EXOC4: variants seen among roughly 807,000 people sequenced by gnomAD.
The protein encoded by EXOC4 is exocyst complex component 4.
In EXOC4, 71 loss-of-function variants were observed where a neutral mutation model predicts 107.2. The ratio of observed to expected loss-of-function variants is 0.66; its 90% CI spans 0.55 to 0.81. EXOC4 has a LOEUF of 0.81. Among genes scored for constraint, EXOC4 ranks in the 30% least tolerant of loss-of-function variants. The pLI, the probability that EXOC4 is intolerant of heterozygous loss-of-function variation, is 0.00. For synonymous variants in EXOC4, 456 were observed against 441.2 expected, an observed-to-expected ratio of 1.03 and a Z score of -0.42; for missense variants, 1,108 against 1,189.6, an observed-to-expected ratio of 0.93 and a Z score of 1.01.
At chr7:133,984,846 A>G (rs1475583183) in intron 14 of EXOC4, among the ~76,000 whole-genome samples, 1 of 152,226 alleles carries the variant, frequency 6.6e-6, no homozygotes, top group African/African-American at 2.4e-5. Context: ...ATTTGAGGAA[A>G]ACGAGACTTA....
At chr7:133,564,105 G>T (rs1800860773) in intron 9 of EXOC4, among the ~76,000 whole-genome samples, 1 of 152,126 alleles carries the variant, frequency 6.6e-6, no homozygotes, top group South Asian at 2.1e-4. Context: ...TTCTCACATT[G>T]TTGTAAAGTA....
chr7:133,935,708 T>C (rs1800283909), intron 13 of EXOC4, among the ~76,000 whole-genome samples: 1 of 152,150 alleles, frequency 6.6e-6, no homozygotes, highest in African/African-American at 2.4e-5. Flanking sequence ...TGTTATGCAC[T>C]TAAAAGCATC....
chr7:133,959,201 G>A (rs1335688084), intron 14 of EXOC4, among the ~76,000 whole-genome samples: 4 of 152,010 alleles, frequency 2.6e-5, no homozygotes, highest in African/African-American at 7.3e-5. Flanking sequence ...CTTATAATAG[G>A]AAACAGAGAC....
intron 11 of EXOC4, among the ~76,000 whole-genome samples, chr7:133,827,408 A>G (rs1345238317): frequency 6.6e-6 from 1 of 152,216 alleles, no homozygotes; most frequent in African/African-American, 2.4e-5. Flanking sequence ...AGAAGTTCCT[A>G]GTTAACTAGA....
At chr7:133,982,551 C>CCAAAA (rs937835149) in intron 14 of EXOC4, among the ~76,000 whole-genome samples, 3 of 151,904 alleles carry the variant, frequency 2.0e-5, no homozygotes, top group African/African-American at 7.3e-5. Context: ...GACTCTGTCT[C>CCAAAA]CAAAACAAAA....
intron 13 of EXOC4, among the ~76,000 whole-genome samples, chr7:133,926,042 C>CA (rs552126104): frequency 0.44 from 45,951 of 104,310 alleles, 9,261 homozygotes; most frequent in South Asian, 0.61. Flanking sequence ...GACTCCGTCT[C>CA]AAAAAAAAAA....
chr7:133,517,726 A>G lies in EXOC4; in HGVS notation c.1417+37588A>G, dbSNP rs560976503. Among the ~76,000 whole-genome samples, 24 of 152,170 alleles carry G rather than the reference A, an allele frequency of 1.6e-4. 1 individual carries two copies. The South Asian group carries it at 5.0e-3, about 32-fold the overall frequency. The stretch of plus-strand genomic sequence containing the variant: ...CCCCCCACTGGATTCCTCCCACAAT[A>G]CGTGGTAATTAAGGGAGCTACAAGT... On this transcript the variant is annotated intron_variant, in intron 9 of 17. Transcript: ENST00000253861.
Position 134,017,276 on chromosome 7 carries a change from C to A in EXOC4, c.2687+9441C>A, listed in dbSNP as rs79261429. On this transcript the variant is annotated intron_variant, in intron 17 of 17. Coordinates refer to ENST00000253861, the MANE Select transcript of EXOC4 (RefSeq NM_021807.4). ...AGACTAGTCTGCTGCCAAAAAAATT[C>A]TTTTTTTAATGATGATGCCCCTTAA... Among the ~76,000 whole-genome samples, 12 of 151,936 alleles carry A rather than the reference C, an allele frequency of 7.9e-5. No individual in the cohort carries two copies. The East Asian group carries it at 9.7e-4, about 12-fold the overall frequency.
intron 11 of EXOC4, among the ~76,000 whole-genome samples, chr7:133,880,052 C>A (rs1434735820): frequency 1.3e-5 from 2 of 152,198 alleles, no homozygotes; most frequent in South Asian, 2.1e-4. Context: ...CCTTCACTTA[C>A]ACCTTTTCCC....
chr7:133,482,600 G>A (rs1799182856), intron 9 of EXOC4, among the ~76,000 whole-genome samples: 2 of 152,102 alleles, frequency 1.3e-5, no homozygotes, highest in South Asian at 4.2e-4. Flanking sequence ...CCTCCATTTA[G>A]ATACCTAGCT....
intron 7 of EXOC4, among the ~76,000 whole-genome samples, chr7:133,452,960 T>A (rs539235022): frequency 6.6e-6 from 1 of 151,938 alleles, no homozygotes; most frequent in East Asian, 1.9e-4. Context: ...CTTTCCCTTA[T>A]GTAAAGTCTC....
intron 10 of EXOC4, among the ~76,000 whole-genome samples, chr7:133,744,969 T>G (rs1255519925): frequency 6.6e-6 from 1 of 152,136 alleles, no homozygotes. Flanking sequence ...AGCATTTGTG[T>G]TTTTTACTTA....
chr7:133,745,000 C>T (rs994175683), intron 10 of EXOC4, among the ~76,000 whole-genome samples: 1 of 152,142 alleles, frequency 6.6e-6, no homozygotes, highest in Non-Finnish European at 1.5e-5. Context: ...ATTCCAAATG[C>T]ATAATCACTT....
chr7:133,426,664 A>G (rs1797733877), intron 7 of EXOC4, among the ~76,000 whole-genome samples: 1 of 152,262 alleles, frequency 6.6e-6, no homozygotes, highest in African/African-American at 2.4e-5. Context: ...GCAATTTTAA[A>G]GACAGTATTT....
At chr7:133,444,249 G>C (rs1798168015) in intron 7 of EXOC4, among the ~76,000 whole-genome samples, 1 of 152,202 alleles carries the variant, frequency 6.6e-6, no homozygotes, top group Admixed American at 6.5e-5. Context: ...AAGGAGACCA[G>C]CAAATGAAGA....
At chr7:134,001,862 T>C (rs1794538028) in intron 15 of EXOC4, among the ~76,000 whole-genome samples, 1 of 152,224 alleles carries the variant, frequency 6.6e-6, no homozygotes, top group Non-Finnish European at 1.5e-5. Context: ...TGCTCACCAG[T>C]CCTCAGAACA....
At chr7:133,674,788 C>T (rs1794020906) in intron 10 of EXOC4, among the ~76,000 whole-genome samples, 1 of 152,108 alleles carries the variant, frequency 6.6e-6, no homozygotes, top group Admixed American at 6.5e-5. Context: ...TCCCTTGGGC[C>T]TATGGTAAAA....
chr7:134,081,616 A>G, the EXOC4 span, among the ~76,000 whole-genome samples: 68 of 152,310 alleles, frequency 4.5e-4, 1 homozygote, highest in South Asian at 0.013. Flanking sequence ...GAATGAATGA[A>G]TAGGTGAAAG....
At chr7:133,615,139 A>G (rs1442242203) in intron 9 of EXOC4, among the ~76,000 whole-genome samples, 1 of 152,118 alleles carries the variant, frequency 6.6e-6, no homozygotes, top group Non-Finnish European at 1.5e-5. Context: ...AGAGAAATGA[A>G]AAAGCATCTG....
Sources: gnomAD v4.1 joint callset for allele counts (sites outside exome capture counted in the v4.1 genomes callset) on GRCh38, gnomAD v4.1.1 for gene constraint, MANE v1.5 for transcripts, NCBI Gene and HGNC (gene_info 2026-07-23, HGNC 2026-07-21) for gene names.